Variants in SLC24A2 observed in about 807,000 individuals in gnomAD.
SLC24A2 encodes the protein sodium/potassium/calcium exchanger 2.
Under a neutral mutation model 62.0 loss-of-function variants are expected in SLC24A2, and 36 were observed. The ratio of observed to expected loss-of-function variants is 0.58; its 90% CI spans 0.44 to 0.77. SLC24A2 has a LOEUF of 0.77. Ranked by LOEUF, SLC24A2 falls within the 30% of genes least tolerant of loss-of-function variation. The pLI, the probability that SLC24A2 is intolerant of heterozygous loss-of-function variation, is 0.00. For missense variants in SLC24A2, 846 were observed against 817.9 expected, an observed-to-expected ratio of 1.03 and a Z score of -0.42; for synonymous variants, 358 against 294.0, an observed-to-expected ratio of 1.22 and a Z score of -2.23.
chr9:20,267,096 A>G, the SLC24A2 span, among the ~76,000 whole-genome samples: 2 of 152,138 alleles, frequency 1.3e-5, no homozygotes, highest in Non-Finnish European at 2.9e-5. Flanking sequence ...AACTGACAAA[A>G]CAAAAATTAT....
the SLC24A2 span, among the ~76,000 whole-genome samples, chr9:19,979,347 G>A: frequency 6.6e-6 from 1 of 152,054 alleles, no homozygotes; most frequent in Non-Finnish European, 1.5e-5. Flanking sequence ...ACCACATTTT[G>A]AATAGCAAGG....
the SLC24A2 span, among the ~76,000 whole-genome samples, chr9:20,106,233 G>A: frequency 6.3e-3 from 957 of 152,242 alleles, 12 homozygotes; most frequent in African/African-American, 0.022. Context: ...AAGAGTCCAG[G>A]AACAGATGGA....
chr9:19,895,152 C>G, the SLC24A2 span, among the ~76,000 whole-genome samples: 3 of 152,090 alleles, frequency 2.0e-5, no homozygotes, highest in Non-Finnish European at 2.9e-5. Context: ...ACAACCAGCA[C>G]TAAATGACTT....
chr9:19,610,111 G>C (rs1202429849), intron 4 of SLC24A2, among the ~76,000 whole-genome samples: 1 of 152,086 alleles, frequency 6.6e-6, no homozygotes, highest in Non-Finnish European at 1.5e-5. Flanking sequence ...CTACTCCTAT[G>C]TTTCTTAAGG....
At chr9:20,231,616 A>T in the SLC24A2 span, among the ~76,000 whole-genome samples, 3 of 152,206 alleles carry the variant, frequency 2.0e-5, no homozygotes, top group Admixed American at 6.5e-5. Context: ...GTTGCTTATC[A>T]GCTTGAGGAG....
chr9:19,842,733 C>T, the SLC24A2 span, among the ~76,000 whole-genome samples: 2 of 152,176 alleles, frequency 1.3e-5, no homozygotes, highest in African/African-American at 4.8e-5. Flanking sequence ...GAACCAATAG[C>T]TGTATTGTAT....
intron 3 of SLC24A2, among the ~76,000 whole-genome samples, 165 bp downstream of exon 3, chr9:19,622,096 C>T (rs1341354918): frequency 6.6e-6 from 1 of 152,168 alleles, no homozygotes; most frequent in Non-Finnish European, 1.5e-5. Flanking sequence ...ATTCAGTCAT[C>T]ACTAATTGTA....
chr9:20,011,011 G>A, the SLC24A2 span, among the ~76,000 whole-genome samples: 1 of 152,056 alleles, frequency 6.6e-6, no homozygotes, highest in Non-Finnish European at 1.5e-5. Flanking sequence ...GTCTATCATT[G>A]TTGGACATTT....
chr9:20,016,182 A>G, the SLC24A2 span, among the ~76,000 whole-genome samples: 1 of 152,158 alleles, frequency 6.6e-6, no homozygotes, highest in Admixed American at 6.5e-5. Context: ...CCAAAGAAAC[A>G]TATTTCTATG....
chr9:19,529,025 G>A (rs1473348686), intron 8 of SLC24A2, among the ~76,000 whole-genome samples: 9 of 152,186 alleles, frequency 5.9e-5, no homozygotes. Context: ...GGCTTGCACT[G>A]TAGTGGTGTT....
At chr9:19,995,068 A>G in the SLC24A2 span, among the ~76,000 whole-genome samples, 1 of 127,176 alleles carries the variant, frequency 7.9e-6, no homozygotes, top group Non-Finnish European at 1.7e-5. Flanking sequence ...GTGGTAGTTA[A>G]TATCTCAGGC....
At chr9:20,145,421 T>C in the SLC24A2 span, among the ~76,000 whole-genome samples, 1 of 152,096 alleles carries the variant, frequency 6.6e-6, no homozygotes, top group Admixed American at 6.6e-5. Context: ...TAGAAGCCCA[T>C]AGGATCAATT....
the SLC24A2 span, among the ~76,000 whole-genome samples, chr9:19,996,483 G>T: frequency 1.3e-5 from 2 of 152,126 alleles, no homozygotes; most frequent in Non-Finnish European, 2.9e-5. Flanking sequence ...GCTTATGCCT[G>T]TAATCCCACA....
At chr9:20,277,326 A>C in the SLC24A2 span, among the ~76,000 whole-genome samples, 2 of 151,844 alleles carry the variant, frequency 1.3e-5, no homozygotes, top group Non-Finnish European at 2.9e-5. Flanking sequence ...AAATTTTTAC[A>C]ATCTACCCAT....
chr9:19,631,034 C>T (rs1293989151), intron 2 of SLC24A2, among the ~76,000 whole-genome samples: 1 of 152,140 alleles, frequency 6.6e-6, no homozygotes, highest in Non-Finnish European at 1.5e-5. Context: ...TCCCCACTTC[C>T]TCCCTAGTTC....
the SLC24A2 span, among the ~76,000 whole-genome samples, chr9:20,214,289 T>C: frequency 1.8e-4 from 27 of 152,096 alleles, 1 homozygote; most frequent in Non-Finnish European, 3.4e-4. Flanking sequence ...CTGTACTATA[T>C]TGCACCTATA....
chr9:20,117,607 T>C, the SLC24A2 span, among the ~76,000 whole-genome samples: 1 of 152,144 alleles, frequency 6.6e-6, no homozygotes, highest in African/African-American at 2.4e-5. Context: ...AACAAAGTAC[T>C]TATTATGTTT....
chr9:19,576,563 T>G (rs1272877302), intron 6 of SLC24A2, among the ~76,000 whole-genome samples: 4 of 152,236 alleles, frequency 2.6e-5, no homozygotes, highest in African/African-American at 9.6e-5. Context: ...AAACATTAAA[T>G]GACACTGTGT....
At chr9:19,673,586 T>C (rs780608981) in intron 2 of SLC24A2, among the ~76,000 whole-genome samples, 2 of 152,176 alleles carry the variant, frequency 1.3e-5, no homozygotes, top group Non-Finnish European at 2.9e-5. Context: ...ATAGCTGGGA[T>C]TACAGGTGTG....
Sources: allele counts gnomAD v4.1 joint callset (sites outside exome capture counted in the v4.1 genomes callset), GRCh38; gene constraint gnomAD v4.1.1; transcripts MANE v1.5; gene names NCBI Gene and HGNC (gene_info 2026-07-23, HGNC 2026-07-21).